The following ADCK1 variants were observed in gnomAD, a reference collection of about 807,000 sequenced individuals.
ADCK1 encodes the protein aarF domain-containing protein kinase 1.
In ADCK1, 41 loss-of-function variants were observed where a neutral mutation model predicts 52.3. That is an observed-to-expected ratio of 0.78 (90% CI 0.61 to 1.02). ADCK1 has a LOEUF of 1.02. ADCK1 is among the 50% of genes least tolerant of loss of function. ADCK1 has a pLI of 0.00. For synonymous variants in ADCK1, 250 were observed against 274.6 expected (o/e 0.91, Z 0.89); for missense variants, 658 against 679.5 (o/e 0.97, Z 0.35).
At chr14:77,853,615 C>T (rs74063702) in intron 3 of ADCK1, among the ~76,000 whole-genome samples, 9,350 of 152,146 alleles carry the variant, frequency 0.061, 348 homozygotes, top group Middle Eastern at 0.12. Context: ...TGGGTGTTGC[C>T]ACAAATGTCC....
chr14:77,837,889 A>C (rs1016613149), intron 3 of ADCK1, among the ~76,000 whole-genome samples: 1 of 152,212 alleles, frequency 6.6e-6, no homozygotes, highest in Non-Finnish European at 1.5e-5. Context: ...GGACAGACTC[A>C]TACTGGCTTG....
intron 4 of ADCK1, among the ~76,000 whole-genome samples, chr14:77,870,769 C>T (rs1471790714): frequency 6.6e-6 from 1 of 152,198 alleles, no homozygotes; most frequent in Admixed American, 6.5e-5. Context: ...CAGTTGGCCC[C>T]ATGCCTTCTA....
intron 1 of ADCK1, among the ~76,000 whole-genome samples, chr14:77,808,553 A>G (rs534925886): frequency 2.6e-4 from 39 of 152,132 alleles, no homozygotes; most frequent in African/African-American, 8.7e-4. Context: ...ACATAAAATT[A>G]TAGACATCCA....
At chr14:77,868,009 A>G (rs1398856440) in intron 4 of ADCK1, among the ~76,000 whole-genome samples, 1 of 152,224 alleles carries the variant, frequency 6.6e-6, no homozygotes, top group Non-Finnish European at 1.5e-5. Flanking sequence ...TTTGGCAGTT[A>G]AGACCAGCAC....
intron 4 of ADCK1, among the ~76,000 whole-genome samples, chr14:77,861,388 G>A (rs1210711450): frequency 2.0e-5 from 3 of 152,010 alleles, no homozygotes; most frequent in African/African-American, 7.2e-5. Flanking sequence ...GGGGCCATGT[G>A]GGAAGAAGGG....
intron 6 of ADCK1, among the ~76,000 whole-genome samples, chr14:77,906,841 T>A (rs970085816): frequency 3.3e-5 from 5 of 152,154 alleles, no homozygotes; most frequent in Non-Finnish European, 5.9e-5. Flanking sequence ...CCTAGCAGGT[T>A]TCCATTTTTG....
chr14:77,917,159 A>C (rs2083944017), intron 7 of ADCK1, among the ~76,000 whole-genome samples: 3 of 152,098 alleles, frequency 2.0e-5, no homozygotes, highest in Admixed American at 2.0e-4. Context: ...CAGGTGTTCG[A>C]GGCTGCAGTG....
intron 9 of ADCK1, among the ~76,000 whole-genome samples, chr14:77,929,935 G>T (rs1008379465): frequency 1.3e-5 from 2 of 152,214 alleles, no homozygotes; most frequent in African/African-American, 4.8e-5. Flanking sequence ...AAAGTGCTAG[G>T]ATTACAGGTG....
chr14:77,861,607 G>A (rs997357363), intron 4 of ADCK1, among the ~76,000 whole-genome samples: 3 of 151,796 alleles, frequency 2.0e-5, no homozygotes, highest in Non-Finnish European at 4.4e-5. Context: ...TGTCAGTTAT[G>A]CCTCACCACC....
chr14:77,868,059 T>C (rs1446927019), intron 4 of ADCK1, among the ~76,000 whole-genome samples: 2 of 152,244 alleles, frequency 1.3e-5, no homozygotes, highest in East Asian at 3.8e-4. Context: ...TGCCTCGATC[T>C]TCCTGAGGTT....
intron 3 of ADCK1, among the ~76,000 whole-genome samples, chr14:77,857,323 G>T (rs1225812510): frequency 1.3e-5 from 2 of 152,152 alleles, no homozygotes; most frequent in Non-Finnish European, 1.5e-5. Flanking sequence ...AAAAAAAATT[G>T]TGCAAATTTA....
At chr14:77,847,498 A>T (rs2082195500) in intron 3 of ADCK1, among the ~76,000 whole-genome samples, 1 of 152,206 alleles carries the variant, frequency 6.6e-6, no homozygotes, top group South Asian at 2.1e-4. Context: ...TGAACCCAGG[A>T]GGTGGAGGTT....
intron 5 of ADCK1, 54 bp downstream of exon 5, chr14:77,887,303 T>G: frequency 6.7e-7 from 1 of 1,484,740 alleles, no homozygotes; most frequent in Non-Finnish European, 9.0e-7. Flanking sequence ...TTCCCTGGGA[T>G]CCAGGCCACC....
At chr14:77,833,959 A>C (rs1356620379) in intron 3 of ADCK1, among the ~76,000 whole-genome samples, 1 of 152,198 alleles carries the variant, frequency 6.6e-6, no homozygotes, top group Admixed American at 6.5e-5. Flanking sequence ...GACCTAAGAC[A>C]AAGTGTAAAA....
intron 1 of ADCK1, among the ~76,000 whole-genome samples, chr14:77,813,121 G>A (rs954832401): frequency 6.6e-6 from 1 of 151,492 alleles, no homozygotes; most frequent in Non-Finnish European, 1.5e-5. Context: ...TCCTGCCTCA[G>A]CCTCCTTAGT....
chr14:77,828,806 C>T (rs1306161651), intron 3 of ADCK1, among the ~76,000 whole-genome samples: 1 of 152,284 alleles, frequency 6.6e-6, no homozygotes, highest in South Asian at 2.1e-4. Flanking sequence ...GGATTACAGG[C>T]GTGAGCCACT....
intron 1 of ADCK1, among the ~76,000 whole-genome samples, chr14:77,803,077 C>G (rs2081146167): frequency 6.6e-6 from 1 of 152,190 alleles, no homozygotes; most frequent in Non-Finnish European, 1.5e-5. Context: ...TCTTTGGCAT[C>G]TTTCCAGACT....
At chr14:77,921,656 C>T (rs1369765109) in intron 7 of ADCK1, among the ~76,000 whole-genome samples, 2 of 152,086 alleles carry the variant, frequency 1.3e-5, no homozygotes, top group Non-Finnish European at 2.9e-5. Flanking sequence ...GGAACAGTCC[C>T]AAATGGAAAG....
intron 9 of ADCK1, among the ~76,000 whole-genome samples, chr14:77,929,184 G>A (rs2084265837): frequency 1.3e-5 from 2 of 152,160 alleles, no homozygotes; most frequent in Non-Finnish European, 1.5e-5. Flanking sequence ...TGAGGATTAG[G>A]GGAACCTCCA....
Sources: allele counts gnomAD v4.1 joint callset (sites outside exome capture counted in the v4.1 genomes callset), GRCh38; gene constraint gnomAD v4.1.1; transcripts MANE v1.5; gene names NCBI Gene and HGNC (gene_info 2026-07-23, HGNC 2026-07-21).